Variants in SDCCAG8 observed in about 807,000 individuals in gnomAD.
SDCCAG8 encodes serologically defined colon cancer antigen 8.
SDCCAG8 carries 74 observed loss-of-function variants against 101.8 expected under a neutral mutation model. The ratio of observed to expected loss-of-function variants is 0.73; its 90% CI spans 0.60 to 0.88. The LOEUF is 0.88. Among genes scored for constraint, SDCCAG8 ranks in the 40% least tolerant of loss-of-function variants. SDCCAG8 has a pLI of 0.00. For synonymous variants in SDCCAG8, 281 were observed against 292.9 expected, an observed-to-expected ratio of 0.96 and a Z score of 0.41; for missense variants, 787 against 822.6, an observed-to-expected ratio of 0.96 and a Z score of 0.53.
intron 13 of SDCCAG8, among the ~76,000 whole-genome samples, chr1:243,404,892 A>C (rs1365357232): frequency 7.1e-6 from 1 of 141,784 alleles, no homozygotes; most frequent in African/African-American, 2.7e-5. Context: ...TTTGAGATGG[A>C]GTCTTACCCT....
At chr1:243,403,900 A>T (rs1206324282) in intron 13 of SDCCAG8, among the ~76,000 whole-genome samples, 1 of 152,232 alleles carries the variant, frequency 6.6e-6, no homozygotes, top group Admixed American at 6.5e-5. Flanking sequence ...AATGCAGTCG[A>T]ATCATCCCCA....
At chr1:243,447,057 G>C (rs1016855157) in intron 16 of SDCCAG8, among the ~76,000 whole-genome samples, 1 of 151,974 alleles carries the variant, frequency 6.6e-6, no homozygotes, top group Non-Finnish European at 1.5e-5. Flanking sequence ...TTCAAGACCA[G>C]CCTGGCCAAC....
intron 16 of SDCCAG8, among the ~76,000 whole-genome samples, chr1:243,437,785 G>A (rs527960490): frequency 3.9e-5 from 6 of 152,112 alleles, no homozygotes; most frequent in African/African-American, 1.2e-4. Context: ...TGATCCGCCC[G>A]CCTCGGCCTC....
chr1:243,313,662 A>C (rs1424340877), intron 8 of SDCCAG8, among the ~76,000 whole-genome samples: 1 of 152,186 alleles, frequency 6.6e-6, no homozygotes, highest in Non-Finnish European at 1.5e-5. Context: ...GCACTCATAG[A>C]ACATTTGCCA....
At chr1:243,463,472 T>C (rs1299504184) in intron 16 of SDCCAG8, among the ~76,000 whole-genome samples, 1 of 152,152 alleles carries the variant, frequency 6.6e-6, no homozygotes, top group Non-Finnish European at 1.5e-5. Flanking sequence ...TATGAGGACA[T>C]GATTCTGTGC....
chr1:243,440,824 G>T (rs1193097454), intron 16 of SDCCAG8, among the ~76,000 whole-genome samples: 1 of 152,174 alleles, frequency 6.6e-6, no homozygotes, highest in Non-Finnish European at 1.5e-5. Flanking sequence ...ATTTAAGGGG[G>T]AAGAGCAGTT....
In SDCCAG8 at chr1:243,416,790, C is replaced by A. The variant is rs541801166; in HGVS notation, c.1744+961C>A. ...ATAATTCCACACCACATACTCCACA[C>A]TGATTGTACTATTAAAACAAAAGTT... On this transcript the variant is annotated intron_variant, in intron 14 of 17. Coordinates refer to ENST00000366541, the MANE Select transcript of SDCCAG8 (RefSeq NM_006642.5). The surrounding 1 kb of genome is among the most constrained non-coding windows in gnomAD (Gnocchi z 4.3). Among the ~76,000 whole-genome samples, 2 of 152,320 alleles carry A rather than the reference C, an allele frequency of 1.3e-5. No individual in the cohort carries two copies. Among genetic ancestry groups the A allele is most frequent in the East Asian group, 3.9e-4 (2 of 5,190 alleles).
rs2067954312 is a variant in SDCCAG8, at chr1:243,269,996, A to G, written c.68-109A>G. 8 of 1,476,072 alleles carry G rather than the reference A, an allele frequency of 5.4e-6. No homozygotes were observed. The South Asian group carries it at 9.4e-5, about 17-fold the overall frequency. The allele number at this position is 1,476,072 out of a possible 1,614,324, so 91.4% of individuals were successfully genotyped here. A position where few individuals can be genotyped will look rare whatever the true frequency, so the allele number is the denominator to read the frequency against. ...AAACAGAACTCTGCGTTTTTTCCAT[A>G]AAGTACGAGAAATAATGATTTCACC... On this transcript the variant is annotated intron_variant, in intron 1 of 17. Transcript: ENST00000366541.
At chr1:243,321,034 CTT>C (rs781437012) in intron 9 of SDCCAG8, among the ~76,000 whole-genome samples, 2 of 152,128 alleles carry the variant, frequency 1.3e-5, no homozygotes, top group Admixed American at 6.5e-5. Context: ...CTATGTAACT[CTT>C]TGCTTTGGAT....
rs1160227361 is a variant in SDCCAG8, at chr1:243,473,922, CG to C, written c.1986-15075del. Among the ~76,000 whole-genome samples, 12 of 7,788 alleles carry C rather than the reference CG, an allele frequency of 1.5e-3. No homozygotes were observed. The South Asian group carries it at 0.033, about 21-fold the overall frequency. The allele number at this position is 7,788 out of a possible 152,430, so 5.1% of individuals were successfully genotyped here. On this transcript the variant is annotated intron_variant, in intron 16 of 17. Transcript: ENST00000366541. ...TTGGTTATTGGAGGAGAGTTGCCGGCGGGGGGGGGGGGGGGGGCCGGGGGAG... is the reference window on the plus strand; with the variant it reads ...TTGGTTATTGGAGGAGAGTTGCCGGCGGGGGGGGGGGGGGGGCCGGGGGAG...
At chr1:243,272,617 C>T (rs1161024330) in intron 3 of SDCCAG8, among the ~76,000 whole-genome samples, 2 of 152,130 alleles carry the variant, frequency 1.3e-5, no homozygotes, top group Non-Finnish European at 2.9e-5. Context: ...TATTATGGAG[C>T]TTACTGAATC....
chr1:243,280,275 C>T (rs975573294), intron 4 of SDCCAG8, among the ~76,000 whole-genome samples: 3 of 151,804 alleles, frequency 2.0e-5, no homozygotes, highest in Admixed American at 6.6e-5. Context: ...TAGTGATAGC[C>T]CCATTTTCAC....
At chr1:243,287,796 C>T (rs1261379729) in intron 5 of SDCCAG8, among the ~76,000 whole-genome samples, 1 of 152,112 alleles carries the variant, frequency 6.6e-6, no homozygotes, top group African/African-American at 2.4e-5. Flanking sequence ...TCATAGTCCT[C>T]AGTATTTATG....
chr1:243,293,377 C>A, intron 6 of SDCCAG8, 158 bp downstream of exon 6: 1 of 802,760 alleles, frequency 1.2e-6, no homozygotes, highest in Non-Finnish European at 2.1e-6. Flanking sequence ...GTCACTCAAT[C>A]ATAAACATTA....
At chr1:243,376,247 G>A (rs1249886153) in intron 12 of SDCCAG8, among the ~76,000 whole-genome samples, 1 of 152,100 alleles carries the variant, frequency 6.6e-6, no homozygotes, top group Non-Finnish European at 1.5e-5. Context: ...TATGTGCTAG[G>A]CACTCTGCTA....
chr1:243,256,254 A>G lies in SDCCAG8; in HGVS notation c.67+14A>G, dbSNP rs1269291395. 5 of 1,613,098 alleles carry G rather than the reference A, an allele frequency of 3.1e-6. No individual in the cohort carries two copies. Among genetic ancestry groups the G allele is most frequent in the Non-Finnish European group, 8.5e-7 (1 of 1,179,156 alleles). ...GGAGTCTCCGGGGTGAGTTGCTCCAAACCTCTGTCCCTAGCCCCGAGGTGC... is the reference window on the plus strand; with the variant it reads ...GGAGTCTCCGGGGTGAGTTGCTCCAGACCTCTGTCCCTAGCCCCGAGGTGC... On this transcript the variant is annotated intron_variant, in intron 1 of 17. Transcript: ENST00000366541.
intron 6 of SDCCAG8, among the ~76,000 whole-genome samples, chr1:243,299,850 C>T (rs1453307710): frequency 6.6e-6 from 1 of 151,538 alleles, no homozygotes; most frequent in African/African-American, 2.4e-5. Flanking sequence ...ACCTCTTTTT[C>T]TGTCTTCTTT....
chr1:243,437,310 T>A lies in SDCCAG8; in HGVS notation c.1985+10752T>A, dbSNP rs560659991. On this transcript the variant is annotated intron_variant, in intron 16 of 17. Transcript: ENST00000366541. ...TTATTAACATGCATTCAGCACTAGG[T>A]ACAAAAGGAAAAAAGACATGATATT... Among the ~76,000 whole-genome samples, 3 of 152,210 alleles carry A rather than the reference T, an allele frequency of 2.0e-5. No individual in the cohort carries two copies. The East Asian group carries it at 5.8e-4, about 29-fold the overall frequency.
intron 13 of SDCCAG8, among the ~76,000 whole-genome samples, chr1:243,384,683 CTGCAGTCCCAGAAACT>C (rs1296921233): frequency 1.3e-5 from 2 of 151,888 alleles, no homozygotes; most frequent in Non-Finnish European, 2.9e-5. Context: ...TGGTGCACAC[CTGCAGTCCCAGAAACT>C]TGGGAGGCTG....
Sources: allele counts gnomAD v4.1 joint callset (sites outside exome capture counted in the v4.1 genomes callset), GRCh38; gene constraint gnomAD v4.1.1; non-coding constraint Gnocchi (gnomAD v3.1); transcripts MANE v1.5; gene names NCBI Gene and HGNC (gene_info 2026-07-23, HGNC 2026-07-21).